The following NUBPL variants were observed in gnomAD, a reference collection of about 807,000 sequenced individuals.
NUBPL encodes NUBP iron-sulfur cluster assembly factor, mitochondrial, also known as iron-sulfur cluster transfer protein NUBPL.
A neutral mutation model predicts 45.7 loss-of-function variants in NUBPL; 31 were observed. The observed-to-expected ratio is 0.68, with a 90% CI of 0.51 to 0.92. The LOEUF is 0.92. Ranked by LOEUF, NUBPL falls within the 40% of genes least tolerant of loss-of-function variation. NUBPL has a pLI of 0.00. For synonymous variants in NUBPL, 144 were observed against 140.9 expected (o/e 1.02, Z -0.15); for missense variants, 401 against 398.7 (o/e 1.01, Z -0.05).
intron 4 of NUBPL, among the ~76,000 whole-genome samples, chr14:31,606,099 C>CTTTTTTTT (rs56899102): frequency 2.5e-5 from 3 of 120,522 alleles, no homozygotes; most frequent in Non-Finnish European, 5.1e-5. Context: ...CTTTTCTTTT[C>CTTTTTTTT]TTTTTTTTTT....
At chr14:31,578,049 A>T (rs1429718259) in intron 3 of NUBPL, 1 of 1,129,238 alleles carries the variant, frequency 8.9e-7, no homozygotes, top group East Asian at 5.8e-5. Flanking sequence ...AACAGATTAC[A>T]CTTTGGCAGA....
At chr14:31,690,934 T>C (rs2037078807) in intron 6 of NUBPL, among the ~76,000 whole-genome samples, 1 of 152,202 alleles carries the variant, frequency 6.6e-6, no homozygotes, top group South Asian at 2.1e-4. Context: ...TTAGACAACA[T>C]GGCATAAGGA....
chr14:31,692,544 G>A (rs1338279121), intron 6 of NUBPL, among the ~76,000 whole-genome samples: 2 of 152,172 alleles, frequency 1.3e-5, no homozygotes, highest in African/African-American at 4.8e-5. Context: ...CAAATGTGAA[G>A]CAGATGCCAG....
intron 6 of NUBPL, among the ~76,000 whole-genome samples, chr14:31,747,003 A>C (rs2038412559): frequency 6.6e-6 from 1 of 150,770 alleles, no homozygotes; most frequent in Admixed American, 6.6e-5. Flanking sequence ...TTAGGAGGCA[A>C]AGATTGCAGT....
At chr14:31,687,675 C>T (rs1337726415) in intron 6 of NUBPL, among the ~76,000 whole-genome samples, 1 of 152,198 alleles carries the variant, frequency 6.6e-6, no homozygotes, top group Non-Finnish European at 1.5e-5. Flanking sequence ...TCAATTATTA[C>T]AGTAAAAAGT....
intron 4 of NUBPL, among the ~76,000 whole-genome samples, chr14:31,611,090 C>T (rs534280290): frequency 6.6e-6 from 1 of 152,022 alleles, no homozygotes; most frequent in Non-Finnish European, 1.5e-5. Context: ...AGCAATCAGA[C>T]AAGAGAATGA....
At chr14:31,578,845 C>T (rs1415805518) in intron 3 of NUBPL, among the ~76,000 whole-genome samples, 1 of 152,160 alleles carries the variant, frequency 6.6e-6, no homozygotes, top group African/African-American at 2.4e-5. Flanking sequence ...GCCTATTTTT[C>T]AGTTGAGTTG....
chr14:31,612,799 A>G (rs1291254758), intron 4 of NUBPL, among the ~76,000 whole-genome samples: 1 of 152,256 alleles, frequency 6.6e-6, no homozygotes, highest in Non-Finnish European at 1.5e-5. Context: ...GCAGAAAATA[A>G]CAAATGCAAG....
chr14:31,602,383 G>A (rs1255540713), intron 4 of NUBPL, among the ~76,000 whole-genome samples: 1 of 4,358 alleles, frequency 2.3e-4, no homozygotes, highest in Non-Finnish European at 3.9e-4. Context: ...AAAACTTAAA[G>A]TATAATAATA....
intron 3 of NUBPL, 178 bp from the exon 4 acceptor site, chr14:31,599,111 A>G (rs988700119): frequency 6.2e-6 from 4 of 641,354 alleles, no homozygotes; most frequent in Admixed American, 5.1e-5. Context: ...TAAGCAATTT[A>G]TGCTCTTTTA....
chr14:31,608,551 CA>C lies in NUBPL; in HGVS notation c.382+9181del, dbSNP rs200951956. On this transcript the variant is annotated intron_variant, in intron 4 of 10. Transcript: ENST00000281081. ...CCTGGGTGACAGAGTGAGACTGTCTCAAAAAAAAAGAAACAAAGAAAGATAA... is the reference window on the plus strand; with the variant it reads ...CCTGGGTGACAGAGTGAGACTGTCTCAAAAAAAAGAAACAAAGAAAGATAA... 2.0e-5 allele frequency among the ~76,000 whole-genome samples: 3 copies of C among 147,044 alleles called. No homozygotes were observed. The East Asian group carries it at 5.9e-4, about 29-fold the overall frequency.
At chr14:31,576,399 C>T (rs1275182908) in intron 3 of NUBPL, among the ~76,000 whole-genome samples, 2 of 152,104 alleles carry the variant, frequency 1.3e-5, no homozygotes, top group African/African-American at 4.8e-5. Context: ...GTAGCTGGGA[C>T]TATAGGTATG....
At chr14:31,769,663 A>T (rs563796134) in intron 6 of NUBPL, among the ~76,000 whole-genome samples, 1,987 of 133,158 alleles carry the variant, frequency 0.015, 19 homozygotes, top group South Asian at 0.017. Context: ...CCTTTTTTTT[A>T]AAAAAAAAAG....
chr14:31,806,438 C>T (rs2039687719), intron 7 of NUBPL, among the ~76,000 whole-genome samples: 1 of 151,998 alleles, frequency 6.6e-6, no homozygotes, highest in Admixed American at 6.6e-5. Context: ...AATATTTAAC[C>T]TTAGAGTTCA....
intron 6 of NUBPL, among the ~76,000 whole-genome samples, chr14:31,692,812 A>T (rs74628931): frequency 0.012 from 1,870 of 152,346 alleles, 109 homozygotes; most frequent in Admixed American, 0.09. Flanking sequence ...AAAGAAATTG[A>T]GTCCCCTAAG....
intron 6 of NUBPL, among the ~76,000 whole-genome samples, chr14:31,690,341 G>C (rs917452113): frequency 6.6e-6 from 1 of 152,166 alleles, no homozygotes; most frequent in African/African-American, 2.4e-5. Flanking sequence ...TGGGTCCACT[G>C]ACGTGTTTTC....
intron 4 of NUBPL, among the ~76,000 whole-genome samples, chr14:31,631,264 G>A (rs1226094887): frequency 1.3e-5 from 2 of 152,030 alleles, no homozygotes; most frequent in Admixed American, 6.6e-5. Context: ...GCTACTCAGG[G>A]GTTAAGTCCC....
chr14:31,667,716 G>T (rs1390014830), intron 4 of NUBPL: 1 of 152,168 alleles, frequency 6.6e-6, no homozygotes, highest in African/African-American at 2.4e-5. Context: ...TGATGCTGAT[G>T]ACCTTTGGAT....
chr14:31,578,903 C>T (rs2033789820), intron 3 of NUBPL, among the ~76,000 whole-genome samples: 2 of 152,200 alleles, frequency 1.3e-5, no homozygotes, highest in African/African-American at 4.8e-5. Context: ...GATTTTATTA[C>T]TGTCAGGACA....
Sources: allele counts gnomAD v4.1 joint callset (sites outside exome capture counted in the v4.1 genomes callset), GRCh38; gene constraint gnomAD v4.1.1; transcripts MANE v1.5; gene names NCBI Gene and HGNC (gene_info 2026-07-23, HGNC 2026-07-21).